LUZP2: variants seen among roughly 807,000 people sequenced by gnomAD.
LUZP2 encodes the protein leucine zipper protein 2.
LUZP2 carries 52 observed loss-of-function variants against 51.6 expected under a neutral mutation model. That is an observed-to-expected ratio of 1.01 (90% CI 0.81 to 1.27). The LOEUF is 1.27. Among genes scored for constraint, LUZP2 ranks in the 50% most tolerant of loss-of-function variants. LUZP2 has a pLI of 0.00. For missense variants in LUZP2, 436 were observed against 395.4 expected, an observed-to-expected ratio of 1.10 and a Z score of -0.87; for synonymous variants, 154 against 137.3, an observed-to-expected ratio of 1.12 and a Z score of -0.85.
At chr11:24,645,322 TCTAA>T (rs1043374977) in intron 1 of LUZP2, among the ~76,000 whole-genome samples, 10 of 152,272 alleles carry the variant, frequency 6.6e-5, no homozygotes, top group African/African-American at 2.4e-4. Context: ...CATATTGTAG[TCTAA>T]CTAACTCATT....
At chr11:24,730,640 T>G (rs1858680175) in intron 2 of LUZP2, among the ~76,000 whole-genome samples, 1 of 151,794 alleles carries the variant, frequency 6.6e-6, no homozygotes, top group Non-Finnish European at 1.5e-5. Context: ...CTGTACCTTC[T>G]CAGAGGCATA....
intron 5 of LUZP2, among the ~76,000 whole-genome samples, chr11:24,827,993 T>C (rs1022743942): frequency 4.0e-5 from 6 of 151,528 alleles, no homozygotes; most frequent in African/African-American, 1.5e-4. Context: ...GGTCTGCAAC[T>C]TACAGATTTT....
chr11:24,950,633 C>T (rs1855047887), intron 7 of LUZP2, among the ~76,000 whole-genome samples: 1 of 151,522 alleles, frequency 6.6e-6, no homozygotes, highest in African/African-American at 2.4e-5. Flanking sequence ...TAATGAATTG[C>T]ATTATAAAGA....
At chr11:24,703,329 G>A (rs532232183) in intron 1 of LUZP2, among the ~76,000 whole-genome samples, 3 of 152,230 alleles carry the variant, frequency 2.0e-5, no homozygotes, top group African/African-American at 7.2e-5. Flanking sequence ...TGGGTGGTCT[G>A]GGTAGACTCT....
intron 5 of LUZP2, among the ~76,000 whole-genome samples, chr11:24,780,529 A>T (rs1849060211): frequency 1.3e-5 from 2 of 152,168 alleles, no homozygotes; most frequent in Admixed American, 6.6e-5. Flanking sequence ...ACTATTGAGC[A>T]GGAAATTTGC....
At chr11:24,750,287 C>T (rs1041044754) in intron 4 of LUZP2, among the ~76,000 whole-genome samples, 1 of 152,152 alleles carries the variant, frequency 6.6e-6, no homozygotes, top group Non-Finnish European at 1.5e-5. Flanking sequence ...CTTCCACAGA[C>T]TTAGTGTCTT....
At chr11:24,511,750 G>T (rs1419982495) in intron 1 of LUZP2, among the ~76,000 whole-genome samples, 1 of 152,148 alleles carries the variant, frequency 6.6e-6, no homozygotes, top group East Asian at 1.9e-4. Flanking sequence ...TTTACTAAAT[G>T]ACTAATTCAT....
chr11:24,921,216 G>T (rs1854042761), intron 7 of LUZP2, among the ~76,000 whole-genome samples: 1 of 152,022 alleles, frequency 6.6e-6, no homozygotes, highest in Admixed American at 6.6e-5. Context: ...AGAGGGAGGG[G>T]GGCTCGGAAC....
At chr11:24,938,012 C>T (rs1820019273) in intron 7 of LUZP2, among the ~76,000 whole-genome samples, 1 of 152,078 alleles carries the variant, frequency 6.6e-6, no homozygotes, top group Non-Finnish European at 1.5e-5. Context: ...ACCTTTTCTC[C>T]TTCAAGATGT....
intron 9 of LUZP2, among the ~76,000 whole-genome samples, chr11:25,005,605 A>T (rs1419540863): frequency 6.6e-6 from 1 of 151,914 alleles, no homozygotes; most frequent in Non-Finnish European, 1.5e-5. Flanking sequence ...AGACAAAACC[A>T]CCCATGGTTT....
At chr11:24,742,326 A>G (rs745706840) in intron 4 of LUZP2, among the ~76,000 whole-genome samples, 27 of 151,842 alleles carry the variant, frequency 1.8e-4, no homozygotes, top group South Asian at 4.2e-4. Context: ...CAGCAGTGCG[A>G]AAGTGTTCCC....
chr11:24,518,083 G>A (rs1371553028), intron 1 of LUZP2, among the ~76,000 whole-genome samples: 1 of 152,196 alleles, frequency 6.6e-6, no homozygotes, highest in Admixed American at 6.5e-5. Flanking sequence ...GGGATAAAAG[G>A]CCTATAATTA....
At chr11:24,818,169 A>C (rs1431524398) in intron 5 of LUZP2, among the ~76,000 whole-genome samples, 3 of 152,082 alleles carry the variant, frequency 2.0e-5, no homozygotes, top group Non-Finnish European at 4.4e-5. Context: ...GTTTTCAAAA[A>C]ATATCTTTGC....
Position 25,057,556 on chromosome 11 carries a change from C to T in LUZP2, c.858+7426C>T, listed in dbSNP as rs556723702. Among the ~76,000 whole-genome samples, 28 of 152,194 alleles carry T rather than the reference C, an allele frequency of 1.8e-4. 3 individuals are homozygous for T. In the South Asian group the frequency reaches 5.0e-3, roughly 27 times the overall value. On this transcript the variant is annotated intron_variant, in intron 10 of 11. Coordinates refer to ENST00000336930, the MANE Select transcript of LUZP2 (RefSeq NM_001009909.4). ...CATTTTCCTGCAGCTTGCAAATGTG[C>T]CTCATATTGTTTAATAGCATATCAA...
chr11:24,659,769 G>C (rs941786499), intron 1 of LUZP2, among the ~76,000 whole-genome samples: 53 of 151,928 alleles, frequency 3.5e-4, no homozygotes, highest in African/African-American at 1.3e-3. Context: ...TTCTTTATTA[G>C]TGTATTGCAT....
intron 9 of LUZP2, among the ~76,000 whole-genome samples, chr11:25,015,561 G>A (rs1288623540): frequency 6.6e-6 from 1 of 152,074 alleles, no homozygotes; most frequent in Non-Finnish European, 1.5e-5. Context: ...TTGAGGGGTA[G>A]TAGTGAGATA....
intron 9 of LUZP2, among the ~76,000 whole-genome samples, chr11:25,037,530 G>C (rs1023096329): frequency 2.0e-5 from 3 of 152,102 alleles, no homozygotes; most frequent in African/African-American, 7.2e-5. Flanking sequence ...AGATTTGATT[G>C]TGTAGTTAGT....
At chr11:25,023,157 G>A (rs575093140) in intron 9 of LUZP2, among the ~76,000 whole-genome samples, 1 of 152,054 alleles carries the variant, frequency 6.6e-6, no homozygotes, top group South Asian at 2.1e-4. Flanking sequence ...AATGATGCTG[G>A]CCTCATAAAA....
intron 8 of LUZP2, among the ~76,000 whole-genome samples, 191 bp from the exon 9 acceptor site, chr11:24,982,935 A>G (rs1231418555): frequency 6.6e-6 from 1 of 151,824 alleles, no homozygotes; most frequent in Non-Finnish European, 1.5e-5. Flanking sequence ...CATGAAATGC[A>G]TTAGCTCCTA....
Sources: allele counts gnomAD v4.1 joint callset (sites outside exome capture counted in the v4.1 genomes callset), GRCh38; gene constraint gnomAD v4.1.1; transcripts MANE v1.5; gene names NCBI Gene and HGNC (gene_info 2026-07-23, HGNC 2026-07-21).